The following RTN1 variants were observed in gnomAD, a reference collection of about 807,000 sequenced individuals.
RTN1 encodes reticulon 1.
A neutral mutation model predicts 65.5 loss-of-function variants in RTN1; 25 were observed. The ratio of observed to expected loss-of-function variants is 0.38; its 90% CI spans 0.28 to 0.53. The LOEUF (loss-of-function observed/expected upper bound fraction) is 0.53. RTN1 is among the 20% of genes least tolerant of loss of function. The pLI, the probability that RTN1 is intolerant of heterozygous loss-of-function variation, is 0.79. For missense variants in RTN1, 983 were observed against 1,025.4 expected (o/e 0.96, Z 0.57); for synonymous variants, 471 against 447.6 (o/e 1.05, Z -0.66).
rs1478998934 is a variant in RTN1 at position 59,790,268 on chromosome 14, CACACACACACACAG to C, written c.242-43801_242-43788del. On this transcript the variant is annotated intron_variant, in intron 1 of 8. Coordinates refer to ENST00000267484, the MANE Select transcript of RTN1 (RefSeq NM_021136.3). The surrounding 1 kb of genome is among the most constrained non-coding windows in gnomAD (Gnocchi z 4.1). ...CAATCTACTCATTCATTATGTATGTCACACACACACACAGACACACACACACACCTCTAGGAAAA... is the reference window on the plus strand; with the variant it reads ...CAATCTACTCATTCATTATGTATGTCACACACACACACACCTCTAGGAAAA... Among the ~76,000 whole-genome samples, 2 of 150,998 alleles carry C rather than the reference CACACACACACACAG, an allele frequency of 1.3e-5. No homozygotes were observed. The highest frequency in any genetic ancestry group is 2.1e-4 in the South Asian group (1 of 4,794).
At chr14:59,620,229 A>G (rs1188658074) in intron 3 of RTN1, among the ~76,000 whole-genome samples, 1 of 152,200 alleles carries the variant, frequency 6.6e-6, no homozygotes, top group African/African-American at 2.4e-5. Flanking sequence ...TGGAACGGAA[A>G]TAACCTAAAG....
At chr14:59,708,490 C>T (rs756224576) in intron 3 of RTN1, among the ~76,000 whole-genome samples, 16 of 152,340 alleles carry the variant, frequency 1.1e-4, no homozygotes, top group East Asian at 3.9e-4. Context: ...TTAACTCACA[C>T]GGTGATTCCA....
At chr14:59,653,605 CAATAA>C (rs1208941912) in intron 3 of RTN1, among the ~76,000 whole-genome samples, 1 of 150,868 alleles carries the variant, frequency 6.6e-6, no homozygotes, top group Non-Finnish European at 1.5e-5. Flanking sequence ...AAAATATAAG[CAATAA>C]AATAAAACTA....
chr14:59,626,068 C>A lies in RTN1; in HGVS notation c.1766-18576G>T, dbSNP rs540271978. ...AATAATAATGGGTCTAAATAAAATG[C>A]TGATTTTCATAAAAGGTGATATTAG... is the stretch of plus-strand genomic sequence containing the variant. On this transcript the variant is annotated intron_variant, in intron 3 of 8. Coordinates refer to ENST00000267484, the MANE Select transcript of RTN1 (RefSeq NM_021136.3). 4.6e-5 allele frequency among the ~76,000 whole-genome samples: 7 copies of A among 152,130 alleles called. No individual in the cohort carries two copies. In the South Asian group the frequency reaches 1.5e-3, roughly 32 times the overall value.
intron 3 of RTN1, among the ~76,000 whole-genome samples, chr14:59,650,528 C>T (rs1278598673): frequency 6.6e-6 from 1 of 152,170 alleles, no homozygotes; most frequent in East Asian, 1.9e-4. Flanking sequence ...AGCCCAAAAG[C>T]TCTTTAAGCT....
chr14:59,756,156 G>A (rs140558742), intron 1 of RTN1, among the ~76,000 whole-genome samples: 2 of 152,288 alleles, frequency 1.3e-5, no homozygotes, highest in Non-Finnish European at 2.9e-5. Flanking sequence ...AAAGCATAAA[G>A]TTGCAGAGCA....
At chr14:59,666,588 A>T (rs547859590) in intron 3 of RTN1, among the ~76,000 whole-genome samples, 1 of 152,268 alleles carries the variant, frequency 6.6e-6, no homozygotes, top group Admixed American at 6.5e-5. Flanking sequence ...AATAACTAAG[A>T]TCAGAGCACA....
chr14:59,683,404 T>G (rs1883782348), intron 3 of RTN1, among the ~76,000 whole-genome samples: 2 of 151,988 alleles, frequency 1.3e-5, no homozygotes, highest in African/African-American at 4.8e-5. Context: ...AGTAGGCATT[T>G]AATACTAGGG....
intron 3 of RTN1, among the ~76,000 whole-genome samples, chr14:59,655,388 A>T (rs1224496044): frequency 1.3e-5 from 2 of 152,206 alleles, no homozygotes; most frequent in Admixed American, 6.5e-5. Context: ...TCCTGAAATA[A>T]ATCTGTAGAT....
At chr14:59,733,078 G>GTT (rs1884933420) in intron 2 of RTN1, among the ~76,000 whole-genome samples, 2 of 94,538 alleles carry the variant, frequency 2.1e-5, no homozygotes, top group Admixed American at 2.2e-4. Context: ...TGGTCAGACT[G>GTT]CTTTTTTTTT....
Position 59,603,864 on chromosome 14 carries a change from G to A in RTN1, c.2170C>T (p.Leu724=). Residue 724 remains leucine (L), a synonymous_variant, in exon 6 of 9, where the codon CTG becomes TTG. Coordinates refer to ENST00000267484, the MANE Select transcript of RTN1 (RefSeq NM_021136.3). ...YVGALFNGLT[L]LLMAVVSMFT... ...TATCTGCTCTTACCCATGAGCAGCAGGGTCAGGCCATTGAAGAGAGCGCCA... is the reference window on the plus strand; with the variant it reads ...TATCTGCTCTTACCCATGAGCAGCAAGGTCAGGCCATTGAAGAGAGCGCCA... 1 of 1,611,490 alleles carries A rather than the reference G, an allele frequency of 6.2e-7. No homozygotes were observed. Among genetic ancestry groups the A allele is most frequent in the Admixed American group, 1.7e-5 (1 of 59,932 alleles).
intron 1 of RTN1, among the ~76,000 whole-genome samples, chr14:59,813,568 T>C (rs986424743): frequency 1.3e-5 from 2 of 152,188 alleles, no homozygotes; most frequent in African/African-American, 2.4e-5. Flanking sequence ...AAACCAAGCA[T>C]AGAGCTAAAC....
At chr14:59,747,562 C>T (rs888739526) in intron 1 of RTN1, among the ~76,000 whole-genome samples, 4 of 152,030 alleles carry the variant, frequency 2.6e-5, no homozygotes, top group Non-Finnish European at 4.4e-5. Flanking sequence ...GCTGAGATTG[C>T]GCCATTGCAC....
intron 3 of RTN1, among the ~76,000 whole-genome samples, chr14:59,618,880 G>A (rs943260755): frequency 2.0e-5 from 3 of 152,200 alleles, no homozygotes; most frequent in Non-Finnish European, 4.4e-5. Context: ...ATCTAAGTAA[G>A]CACAGGAATG....
In RTN1 at chr14:59,849,963, T is replaced by C. The variant is rs547780808; in HGVS notation, c.241+20427A>G. Among the ~76,000 whole-genome samples the C allele has an allele frequency of 1.3e-5, 2 of 152,258 alleles. No individual in the cohort carries two copies. The highest frequency in any genetic ancestry group is 4.8e-5 in the African/African-American group (2 of 41,554). On this transcript the variant is annotated intron_variant, in intron 1 of 8. Transcript: ENST00000267484. The surrounding 1 kb of genome is among the most constrained non-coding windows in gnomAD (Gnocchi z 4.5). ...CTGAATTCCTCCACTTCCTCTTCCT[T>C]TTTGTCTATTTGTGTCCATTCCAGG... is the stretch of plus-strand genomic sequence containing the variant.
chr14:59,837,330 T>C (rs1367463290), intron 1 of RTN1, among the ~76,000 whole-genome samples: 1 of 151,906 alleles, frequency 6.6e-6, no homozygotes, highest in African/African-American at 2.4e-5. Context: ...TGATAAAATG[T>C]AAAAAAATAA....
At chr14:59,638,723 A>G (rs1594646848) in intron 3 of RTN1, among the ~76,000 whole-genome samples, 1 of 152,196 alleles carries the variant, frequency 6.6e-6, no homozygotes, top group Admixed American at 6.5e-5. Flanking sequence ...ATAAAATTAA[A>G]GAGTGAGGGC....
intron 3 of RTN1, among the ~76,000 whole-genome samples, chr14:59,708,403 G>A (rs935977840): frequency 2.6e-5 from 4 of 152,202 alleles, no homozygotes; most frequent in Admixed American, 2.6e-4. Context: ...AAATACAGCT[G>A]ACATTGCATA....
chr14:59,749,278 CTATATATA>C (rs368706148), intron 1 of RTN1, among the ~76,000 whole-genome samples: 1 of 16,350 alleles, frequency 6.1e-5, no homozygotes, highest in Non-Finnish European at 1.0e-4. Context: ...ATATATATAT[CTATATATA>C]TCTATATATA....
Sources: allele counts gnomAD v4.1 joint callset (sites outside exome capture counted in the v4.1 genomes callset), GRCh38; gene constraint gnomAD v4.1.1; non-coding constraint Gnocchi (gnomAD v3.1); transcripts MANE v1.5; gene names NCBI Gene and HGNC (gene_info 2026-07-23, HGNC 2026-07-21).